The following CCNH variants were observed in gnomAD, a reference collection of about 807,000 sequenced individuals.
The protein encoded by CCNH is cyclin H, also known as cyclin-H.
Under a neutral mutation model 41.9 loss-of-function variants are expected in CCNH, and 31 were observed. That is an observed-to-expected ratio of 0.74 (90% CI 0.56 to 1.00). The LOEUF (loss-of-function observed/expected upper bound fraction) is 1.00. Ranked by LOEUF, CCNH falls within the 50% of genes least tolerant of loss-of-function variation. The pLI is 0.00. For missense variants in CCNH, 362 were observed against 388.4 expected (o/e 0.93, Z 0.57); for synonymous variants, 138 against 136.1 (o/e 1.01, Z -0.10).
At chr5:87,331,397 C>G in intron 9 of CCNH, 1 of 1,612,966 alleles carries the variant, frequency 6.2e-7, no homozygotes, top group Non-Finnish European at 8.5e-7. Context: ...ACGCCTCAGG[C>G]AGGCAGGGAA....
intron 2 of CCNH, among the ~76,000 whole-genome samples, chr5:87,410,845 C>T (rs1476747133): frequency 6.6e-6 from 1 of 152,082 alleles, no homozygotes; most frequent in African/African-American, 2.4e-5. Context: ...ATATGATTAC[C>T]AATGATGAAT....
chr5:87,335,715 C>T (rs945243797), intron 9 of CCNH, among the ~76,000 whole-genome samples: 5 of 152,066 alleles, frequency 3.3e-5, no homozygotes, highest in East Asian at 1.9e-4. Flanking sequence ...CATGAGCCAT[C>T]GTGGCTGGCC....
At chr5:87,388,731 A>G (rs560671081), downstream of CCNH, among the ~76,000 whole-genome samples, 252 of 149,582 alleles carry the variant, frequency 1.7e-3, 1 homozygote, top group Non-Finnish European at 2.4e-3. Flanking sequence ...ACAGGTTCTC[A>G]TTGCATTTTC....
intron 9 of CCNH, among the ~76,000 whole-genome samples, chr5:87,365,025 T>C (rs1460952462): frequency 1.3e-5 from 2 of 152,134 alleles, no homozygotes; most frequent in African/African-American, 2.4e-5. Context: ...TAGTTTATTA[T>C]CGTGAAAACA....
At chr5:87,362,187 A>T (rs747251432) in intron 9 of CCNH, among the ~76,000 whole-genome samples, 2 of 152,238 alleles carry the variant, frequency 1.3e-5, no homozygotes, top group East Asian at 1.9e-4. Flanking sequence ...CTTTATGCTT[A>T]CATTGGTTCC....
chr5:87,388,137 T>C (rs1762193492), downstream of CCNH, among the ~76,000 whole-genome samples: 1 of 152,226 alleles, frequency 6.6e-6, no homozygotes, highest in Non-Finnish European at 1.5e-5. Flanking sequence ...TCTGTGTTGC[T>C]ATGATTACTT....
intron 9 of CCNH, among the ~76,000 whole-genome samples, chr5:87,329,878 G>GT (rs1757488002): frequency 6.6e-6 from 1 of 152,016 alleles, no homozygotes; most frequent in South Asian, 2.1e-4. Context: ...TTAAATTATA[G>GT]TTCCTTAGGG....
At chr5:87,411,172 A>G in intron 2 of CCNH, 52 bp downstream of exon 2, 1 of 1,536,936 alleles carries the variant, frequency 6.5e-7, no homozygotes, top group Non-Finnish European at 8.7e-7. Context: ...GAAGAGGTCA[A>G]ATTTCACAAG....
At chr5:87,380,693 T>C, upstream of CCNH, 1 of 1,124,970 alleles carries the variant, frequency 8.9e-7, no homozygotes. Flanking sequence ...CTTTTTTCTT[T>C]GGCTTTTATG....
intron 9 of CCNH, chr5:87,331,057 A>AT (rs1757564214): frequency 1.5e-5 from 18 of 1,180,698 alleles, no homozygotes; most frequent in Non-Finnish European, 2.0e-5. Flanking sequence ...TAGTGTTTAT[A>AT]TTTTGAATAG....
chr5:87,365,027 G>A (rs182523365), intron 9 of CCNH, among the ~76,000 whole-genome samples: 22 of 152,146 alleles, frequency 1.4e-4, no homozygotes, highest in Admixed American at 1.1e-3. Context: ...GTTTATTATC[G>A]TGAAAACAGT....
upstream of CCNH, chr5:87,378,543 G>A (rs1437832961): frequency 6.2e-7 from 1 of 1,601,688 alleles, no homozygotes; most frequent in East Asian, 2.2e-5. Flanking sequence ...TGTGAGGTAA[G>A]AATTTAATGT....
intron 7 of CCNH, among the ~76,000 whole-genome samples, chr5:87,395,706 T>C (rs1319346266): frequency 6.6e-6 from 1 of 152,102 alleles, no homozygotes; most frequent in African/African-American, 2.4e-5. Context: ...ACCTCGTCTC[T>C]ACAAAAAAAT....
chr5:87,401,628 A>C (rs1000700292), intron 6 of CCNH, 74 bp downstream of exon 6: 1 of 895,154 alleles, frequency 1.1e-6, no homozygotes, highest in Non-Finnish European at 1.7e-6. Context: ...TTTCTAGTTA[A>C]ACACCAAGAG....
intron 9 of CCNH, chr5:87,331,617 T>A (rs1220074150): frequency 1.8e-6 from 2 of 1,133,164 alleles, no homozygotes; most frequent in Non-Finnish European, 2.6e-6. Context: ...AGAAGGAAGC[T>A]TGTTTTCAGT....
At chr5:87,390,675 G>A (rs1385064404), downstream of CCNH, 3 of 770,692 alleles carry the variant, frequency 3.9e-6, no homozygotes, top group Non-Finnish European at 6.8e-6. Flanking sequence ...TATGTTTTGA[G>A]GGGAATTGTG....
intron 9 of CCNH, among the ~76,000 whole-genome samples, chr5:87,356,238 G>T (rs1468314259): frequency 6.6e-6 from 1 of 152,088 alleles, no homozygotes; most frequent in African/African-American, 2.4e-5. Flanking sequence ...GTCAATTGAT[G>T]CAGCAGACTT....
At chr5:87,360,678 T>G (rs1457457221) in intron 9 of CCNH, among the ~76,000 whole-genome samples, 1 of 152,182 alleles carries the variant, frequency 6.6e-6, no homozygotes, top group Non-Finnish European at 1.5e-5. Flanking sequence ...TCTCATTTCT[T>G]TTTAGCAAAA....
At chr5:87,396,908 ACTG>A (rs1763011377) in intron 7 of CCNH, among the ~76,000 whole-genome samples, 1 of 152,240 alleles carries the variant, frequency 6.6e-6, no homozygotes, top group African/African-American at 2.4e-5. Context: ...AAGGTAAACA[ACTG>A]CTAAGTAACT....
Sources: gnomAD v4.1 joint callset for allele counts (sites outside exome capture counted in the v4.1 genomes callset) on GRCh38, gnomAD v4.1.1 for gene constraint, MANE v1.5 for transcripts, NCBI Gene and HGNC (gene_info 2026-07-23, HGNC 2026-07-21) for gene names.